The following CCDC197 variants were observed in gnomAD, a reference collection of about 807,000 sequenced individuals.
CCDC197 encodes the protein uncharacterized protein CCDC197.
In CCDC197, 24 loss-of-function variants were observed where a neutral mutation model predicts 13.4. The observed-to-expected ratio is 1.80, with a 90% CI of 1.30 to 2.53. CCDC197 has a LOEUF of 2.53. Ranked by LOEUF, CCDC197 falls within the 30% of genes most tolerant of loss-of-function variation. The pLI, the probability that CCDC197 is intolerant of heterozygous loss-of-function variation, is 0.00. For missense variants in CCDC197, 255 were observed against 148.8 expected, an observed-to-expected ratio of 1.71 and a Z score of -3.71; for synonymous variants, 99 against 55.5, an observed-to-expected ratio of 1.78 and a Z score of -3.48.
intron 2 of CCDC197, 124 bp downstream of exon 2, chr14:93,998,359 T>G: frequency 1.5e-6 from 1 of 669,176 alleles, no homozygotes; most frequent in Non-Finnish European, 2.7e-6. Context: ...GAGGGCAGTG[T>G]GGCTTGGAAG....
downstream of CCDC197, among the ~76,000 whole-genome samples, chr14:94,010,451 G>A (rs1166074410): frequency 2.0e-5 from 3 of 152,178 alleles, no homozygotes; most frequent in Non-Finnish European, 2.9e-5. Context: ...TGATCCGCCC[G>A]CCTTGGCCTC....
intron 6 of CCDC197, among the ~76,000 whole-genome samples, chr14:94,006,054 G>A (rs111317620): frequency 0.01 from 1,557 of 152,282 alleles, 20 homozygotes; most frequent in South Asian, 0.038. Context: ...TTAACTCTAT[G>A]TTTAACATTC....
intron 1 of CCDC197, among the ~76,000 whole-genome samples, chr14:93,990,106 G>A (rs1168303094): frequency 2.0e-5 from 3 of 152,126 alleles, no homozygotes; most frequent in Non-Finnish European, 2.9e-5. Context: ...GCTTTAAAGG[G>A]CTTGTGTAAT....
At chr14:93,989,560 A>G (rs1244838265) in intron 1 of CCDC197, among the ~76,000 whole-genome samples, 1 of 152,158 alleles carries the variant, frequency 6.6e-6, no homozygotes, top group East Asian at 1.9e-4. Context: ...TCCAGATGCA[A>G]TGATTCTCCT....
rs1338963785 is a variant in CCDC197 at position 94,003,332 on chromosome 14, C to T, written c.476C>T (p.Thr159Ile). ...TACCAGAAGGACATTGACTTTGACA[C>T]ACACACCAGCAGCAGCTATAATGTG... is the stretch of plus-strand genomic sequence containing the variant. ...ITYQKDIDFD[T>I]HTSSSYNDQL... is the part of the protein sequence containing the mutation. The change falls in exon 5 of 7, where the codon ACA (threonine) becomes ATA (isoleucine). Residue 159 changes from threonine to isoleucine, a missense_variant. Coordinates refer to ENST00000636493, the MANE Select transcript of CCDC197 (RefSeq NM_001351596.2). This position sits in a 1 kb window ranked among gnomAD's most constrained non-coding sequence, Gnocchi z 5.0. 2 of 757,590 alleles carry T rather than the reference C, an allele frequency of 2.6e-6. No homozygotes were observed. The highest frequency in any genetic ancestry group is 2.7e-5 in the South Asian group (2 of 73,892). 46.9% of individuals were successfully genotyped at this position (757,590 alleles called of 1,614,324 possible).
chr14:94,008,735 T>TGTCCAAG lies in CCDC197; in HGVS notation c.744_750dup (p.Arg251SerfsTer?). 1 of 702,764 alleles carries TGTCCAAG rather than the reference T, an allele frequency of 1.4e-6. No homozygotes were observed. The highest frequency in any genetic ancestry group is 2.6e-6 in the Non-Finnish European group (1 of 384,992). 43.5% of individuals were successfully genotyped at this position (702,764 alleles called of 1,614,324 possible). On this transcript the variant is annotated frameshift_variant, in exon 7 of 7. Coordinates refer to ENST00000636493, the MANE Select transcript of CCDC197 (RefSeq NM_001351596.2). LOFTEE classifies it low-confidence loss of function (END_TRUNC). Reference sequence around the variant, plus strand: ...AAGACACCCCAAACCCTTCAGGAAATGTCCAAGGAGGCGGGTTTCCACCCC... The same window carrying TGTCCAAG: ...AAGACACCCCAAACCCTTCAGGAAATGTCCAAGGTCCAAGGAGGCGGGTTTCCACCCC...
At chr14:94,002,716 G>T (rs1890558279) in intron 4 of CCDC197, among the ~76,000 whole-genome samples, 1 of 152,028 alleles carries the variant, frequency 6.6e-6, no homozygotes, top group Non-Finnish European at 1.5e-5. Context: ...AGCCAGGCAT[G>T]GTGGTGTGCG....
chr14:94,008,867 C>T (rs1470015589), downstream of CCDC197: 1 of 660,082 alleles, frequency 1.5e-6, no homozygotes, highest in Non-Finnish European at 2.8e-6. Flanking sequence ...ACCTGCCTGC[C>T]TCCTTTTCTC....
intron 4 of CCDC197, among the ~76,000 whole-genome samples, chr14:94,002,640 G>C: frequency 6.6e-6 from 1 of 152,112 alleles, no homozygotes; most frequent in African/African-American, 2.4e-5. Context: ...ATCATTCGAG[G>C]TCAGGAGTTC....
intron 4 of CCDC197, 131 bp downstream of exon 4, chr14:94,001,454 G>A: frequency 3.6e-6 from 2 of 553,452 alleles, no homozygotes; most frequent in Admixed American, 3.4e-5. Context: ...CCCTCGGTGG[G>A]GCTGTCGCTC....
chr14:94,008,902 GGA>G (rs1275846273), downstream of CCDC197: 16 of 634,270 alleles, frequency 2.5e-5, no homozygotes, highest in African/African-American at 5.4e-5. Context: ...TAAGCCAGTG[GGA>G]GAGAGTCTGG....
At chr14:94,001,112 C>G (rs1333748884) in intron 3 of CCDC197, 33 bp from the exon 4 acceptor site, 4 of 734,038 alleles carry the variant, frequency 5.4e-6, no homozygotes, top group Admixed American at 1.9e-5. Flanking sequence ...TGCAGGGGCA[C>G]CCACCCATCC....
chr14:94,006,698 A>G (rs7143636), intron 6 of CCDC197, among the ~76,000 whole-genome samples: 42,063 of 151,938 alleles, frequency 0.28, 7,089 homozygotes, highest in African/African-American at 0.46. Context: ...TTCTTTTTGC[A>G]TTCTGGATAC....
chr14:93,993,979 A>G (rs1016734204), upstream of CCDC197, among the ~76,000 whole-genome samples: 2 of 151,970 alleles, frequency 1.3e-5, no homozygotes, highest in Non-Finnish European at 2.9e-5. Flanking sequence ...CCTCCATGTA[A>G]GTGCTTGAGT....
chr14:94,011,108 C>A (rs1007848501), downstream of CCDC197, among the ~76,000 whole-genome samples: 3 of 152,208 alleles, frequency 2.0e-5, no homozygotes, highest in Non-Finnish European at 4.4e-5. Context: ...CCACCAACTA[C>A]CCCTGCCTGG....
chr14:94,010,736 G>C (rs548683489), downstream of CCDC197, among the ~76,000 whole-genome samples: 307 of 152,272 alleles, frequency 2.0e-3, no homozygotes, highest in African/African-American at 7.0e-3. Flanking sequence ...ACCACGTGGG[G>C]CCCCAAACAC....
intron 3 of CCDC197, 200 bp from the exon 4 acceptor site, chr14:94,000,945 T>G (rs961299972): frequency 4.2e-5 from 14 of 331,894 alleles, no homozygotes; most frequent in African/African-American, 3.7e-4. Context: ...AGGATTCCCT[T>G]GAAGTGGAGG....
chr14:94,001,540 T>G, intron 4 of CCDC197: 2 of 475,338 alleles, frequency 4.2e-6, no homozygotes, highest in Non-Finnish European at 7.5e-6. Context: ...TTGTTCTGCG[T>G]GGTAGAAAAG....
upstream of CCDC197, among the ~76,000 whole-genome samples, chr14:93,992,480 G>A (rs780173144): frequency 3.3e-5 from 5 of 152,218 alleles, no homozygotes; most frequent in Admixed American, 6.5e-5. Flanking sequence ...TTCTTCCTAG[G>A]AAGGTGATGG....
Sources: allele counts gnomAD v4.1 joint callset (sites outside exome capture counted in the v4.1 genomes callset), GRCh38; gene constraint gnomAD v4.1.1; non-coding constraint Gnocchi (gnomAD v3.1); transcripts MANE v1.5; gene names NCBI Gene and HGNC (gene_info 2026-07-23, HGNC 2026-07-21).